PCDHGC5: variants seen among roughly 807,000 people sequenced by gnomAD.
The protein encoded by PCDHGC5 is protocadherin gamma-C5.
In PCDHGC5, 25 loss-of-function variants were observed where a neutral mutation model predicts 59.0. The observed-to-expected ratio is 0.42, with a 90% CI of 0.31 to 0.59. PCDHGC5 has a LOEUF of 0.59. Among genes scored for constraint, PCDHGC5 ranks in the 20% least tolerant of loss-of-function variants. PCDHGC5 has a pLI of 0.13. For synonymous variants in PCDHGC5, 434 were observed against 505.5 expected, an observed-to-expected ratio of 0.86 and a Z score of 1.90; for missense variants, 1,067 against 1,206.4, an observed-to-expected ratio of 0.88 and a Z score of 1.71.
chr5:141,489,597 A>T lies in PCDHGC5; in HGVS notation c.357A>T (p.Val119=). The T allele has an allele frequency of 6.2e-7, 1 of 1,614,100 alleles. No individual in the cohort carries two copies. Among genetic ancestry groups the T allele is most frequent in the African/African-American group, 1.3e-5 (1 of 75,040 alleles). ...VTEHPLELIR[V]EVEILDLNDN... ...AACACCCCCTGGAGCTAATCCGTGT[A>T]GAGGTAGAGATCCTGGATCTCAATG... Residue 119 remains valine (V), a synonymous_variant, in exon 1 of 4, where the codon GTA becomes GTT. Transcript: ENST00000252087. The surrounding 1 kb of genome is among the most constrained non-coding windows in gnomAD (Gnocchi z 4.5).
chr5:141,503,077 TCTC>T (rs1212079220), intron 2 of PCDHGC5, among the ~76,000 whole-genome samples: 1 of 151,810 alleles, frequency 6.6e-6, no homozygotes, highest in African/African-American at 2.4e-5. Flanking sequence ...ATGGTCTCGA[TCTC>T]CTGACCTCGT....
At position 141,489,728 on chromosome 5, in the gene PCDHGC5, G is replaced by T; in HGVS notation, c.488G>T (p.Gly163Val). ...PLDSAQDPDV[G>V]TNTVSFYTLS... is the part of the protein sequence containing the mutation. ...GACAGTGCCCAGGATCCGGATGTGGGCACCAATACTGTGAGCTTTTACACT... is the reference window on the plus strand; with the variant it reads ...GACAGTGCCCAGGATCCGGATGTGGTCACCAATACTGTGAGCTTTTACACT... The change falls in exon 1 of 4, where the codon GGC becomes GTC. Residue 163 changes from glycine (G) to valine (V), a missense_variant. Transcript: ENST00000252087. The surrounding 1 kb of genome is among the most constrained non-coding windows in gnomAD (Gnocchi z 4.5). The T allele has an allele frequency of 3.1e-6, 5 of 1,614,138 alleles. No homozygotes were observed. The South Asian group carries it at 5.5e-5, about 18-fold the overall frequency.
rs1391017504 is a variant in PCDHGC5 at position 141,490,732 on chromosome 5, G to GTTCAGGGAGCCCCAGCCTCCTCCT, written c.1495_1518dup (p.Gln499_Phe506dup). 6.2e-7 allele frequency: 1 copy of GTTCAGGGAGCCCCAGCCTCCTCCT among 1,614,070 alleles called. No individual in the cohort carries two copies. Among genetic ancestry groups the GTTCAGGGAGCCCCAGCCTCCTCCT allele is most frequent in the Non-Finnish European group, 8.5e-7 (1 of 1,180,050 alleles). On this transcript the variant is annotated inframe_insertion, in exon 1 of 4. Coordinates refer to ENST00000252087, the MANE Select transcript of PCDHGC5 (RefSeq NM_018929.3). This position sits in a 1 kb window ranked among gnomAD's most constrained non-coding sequence, Gnocchi z 5.4. ...CACCTACTCCATTGTAGGAAATCAG[G>GTTCAGGGAGCCCCAGCCTCCTCCT]TTCAGGGAGCCCCAGCCTCCTCCTT...
chr5:141,504,550 G>A (rs944574179), intron 2 of PCDHGC5, among the ~76,000 whole-genome samples: 2 of 151,586 alleles, frequency 1.3e-5, no homozygotes, highest in Non-Finnish European at 2.9e-5. Context: ...GCAAATGTTG[G>A]GGGACTGGCA....
chr5:141,504,224 C>T (rs2099836716), intron 2 of PCDHGC5, among the ~76,000 whole-genome samples: 2 of 152,160 alleles, frequency 1.3e-5, no homozygotes, highest in African/African-American at 4.8e-5. Flanking sequence ...TAGAGCTGAA[C>T]CTTCTAAGAA....
In PCDHGC5 at chr5:141,494,748, C is replaced by T. The variant is rs566281527; in HGVS notation, c.2461-59C>T. On this transcript the variant is annotated intron_variant, in intron 1 of 3. Coordinates refer to ENST00000252087, the MANE Select transcript of PCDHGC5 (RefSeq NM_018929.3). ...CTCTCCCGGCCCATCCCTAGGGGCTCGGGTGACATTCTAACTTCTCACGGG... is the reference window on the plus strand; with the variant it reads ...CTCTCCCGGCCCATCCCTAGGGGCTTGGGTGACATTCTAACTTCTCACGGG... 1.4e-5 allele frequency: 22 copies of T among 1,613,104 alleles called. No individual in the cohort carries two copies. The East Asian group carries it at 4.2e-4, about 31-fold the overall frequency.
At chr5:141,509,953 G>A (rs987910496) in intron 3 of PCDHGC5, among the ~76,000 whole-genome samples, 4 of 152,282 alleles carry the variant, frequency 2.6e-5, no homozygotes, top group Non-Finnish European at 4.4e-5. Context: ...AAATGCTACC[G>A]GGTATGGCCT....
rs372245447 is a variant in PCDHGC5, at chr5:141,489,609, C to T, written c.369C>T (p.Ile123=). ...AGCTAATCCGTGTAGAGGTAGAGAT[C>T]CTGGATCTCAATGACAACTCTCCTA... ...PLELIRVEVE[I]LDLNDNSPSF... is the part of the protein sequence containing the mutation. The change falls in exon 1 of 4, where the codon ATC becomes ATT. Residue 123 remains isoleucine, a synonymous_variant. Coordinates refer to ENST00000252087, the MANE Select transcript of PCDHGC5 (RefSeq NM_018929.3). This position sits in a 1 kb window ranked among gnomAD's most constrained non-coding sequence, Gnocchi z 4.5. The T allele has an allele frequency of 1.9e-6, 3 of 1,613,934 alleles. No homozygotes were observed. The African/African-American group carries it at 4.0e-5, about 22-fold the overall frequency.
At position 141,490,381 on chromosome 5, in the gene PCDHGC5, A is replaced by T. The variant is rs770046796; in HGVS notation, c.1141A>T (p.Arg381Ter). 1 of 1,614,240 alleles carries T rather than the reference A, an allele frequency of 6.2e-7. No homozygotes were observed. The highest frequency in any genetic ancestry group is 1.1e-5 in the South Asian group (1 of 91,090). The change falls in exon 1 of 4, where the codon AGA (arginine) becomes TGA (stop). Residue 381 changes from arginine (R) to a stop codon, truncating the protein, a stop_gained. Coordinates refer to ENST00000252087, the MANE Select transcript of PCDHGC5 (RefSeq NM_018929.3). LOFTEE classifies it high-confidence loss of function. This position sits in a 1 kb window ranked among gnomAD's most constrained non-coding sequence, Gnocchi z 5.4. The part of the protein sequence containing the change: ...LFNVRDRDSG[R>*]NGEVSLDISP... ...TAATGTGCGAGACCGGGACTCAGGT[A>T]GAAATGGTGAAGTGAGCCTTGATAT...
At chr5:141,503,502 G>A (rs750139098) in intron 2 of PCDHGC5, among the ~76,000 whole-genome samples, 5 of 151,828 alleles carry the variant, frequency 3.3e-5, no homozygotes, top group Admixed American at 2.0e-4. Context: ...AAGAGGCTGA[G>A]GCAGGAGAAT....
At position 141,491,823 on chromosome 5, in the gene PCDHGC5, C is replaced by G; in HGVS notation, c.2460+123C>G. Reference sequence around the variant, plus strand: ...GCCGGCTTGGTCGCTGGCTGCGCTCCACCCGATTCTCGGGATCATTGGACC... The same window carrying G: ...GCCGGCTTGGTCGCTGGCTGCGCTCGACCCGATTCTCGGGATCATTGGACC... On this transcript the variant is annotated intron_variant, in intron 1 of 3. Transcript: ENST00000252087. The surrounding 1 kb of genome is among the most constrained non-coding windows in gnomAD (Gnocchi z 6.9). The G allele has an allele frequency of 6.8e-7, 1 of 1,479,156 alleles. No individual in the cohort carries two copies. Among genetic ancestry groups the G allele is most frequent in the Non-Finnish European group, 9.0e-7 (1 of 1,115,292 alleles). 91.6% of individuals were successfully genotyped at this position (1,479,156 alleles called of 1,614,324 possible). A position where few individuals can be genotyped will look rare whatever the true frequency, so the allele number is the denominator to read the frequency against.
chr5:141,508,867 G>A (rs2099872497), intron 3 of PCDHGC5, among the ~76,000 whole-genome samples: 1 of 152,108 alleles, frequency 6.6e-6, no homozygotes. Flanking sequence ...GGGAAAGGCT[G>A]AAGAGGCTGA....
At chr5:141,505,935 C>T (rs2099849264) in intron 3 of PCDHGC5, among the ~76,000 whole-genome samples, 1 of 152,146 alleles carries the variant, frequency 6.6e-6, no homozygotes, top group African/African-American at 2.4e-5. Flanking sequence ...CGCTTGGAAG[C>T]CCTCAAGCAA....
At position 141,490,293 on chromosome 5, in the gene PCDHGC5, ATTG is replaced by A; in HGVS notation, c.1054_1056del (p.Leu352del). The A allele has an allele frequency of 1.9e-6, 3 of 1,614,190 alleles. No individual in the cohort carries two copies. Among genetic ancestry groups the A allele is most frequent in the Non-Finnish European group, 2.5e-6 (3 of 1,180,028 alleles). On this transcript the variant is annotated inframe_deletion, in exon 1 of 4. Coordinates refer to ENST00000252087, the MANE Select transcript of PCDHGC5 (RefSeq NM_018929.3). The surrounding 1 kb of genome is among the most constrained non-coding windows in gnomAD (Gnocchi z 5.4). ...TCAATGACAATGCCCCAGAGGTGCTATTGGCCTCTTTGGCCAACCCTGTCCTAG... is the reference window on the plus strand; with the variant it reads ...TCAATGACAATGCCCCAGAGGTGCTAGCCTCTTTGGCCAACCCTGTCCTAG...
chr5:141,495,853 C>T (rs1254274145), intron 2 of PCDHGC5, among the ~76,000 whole-genome samples: 1 of 152,136 alleles, frequency 6.6e-6, no homozygotes, highest in African/African-American at 2.4e-5. Context: ...TTCTCTGTCT[C>T]TCACTATTTC....
intron 1 of PCDHGC5, among the ~76,000 whole-genome samples, chr5:141,494,469 C>T (rs2099754623): frequency 6.6e-6 from 1 of 152,114 alleles, no homozygotes; most frequent in Non-Finnish European, 1.5e-5. Flanking sequence ...GCACCTCTTC[C>T]CCCAGTTCCA....
Position 141,490,931 on chromosome 5 carries a change from T to C in PCDHGC5, c.1691T>C (p.Val564Ala). 1 of 1,613,780 alleles carries C rather than the reference T, an allele frequency of 6.2e-7. No individual in the cohort carries two copies. Among genetic ancestry groups the C allele is most frequent in the East Asian group, 2.2e-5 (1 of 44,872 alleles). ...GACGAGAATGATAATGCCCCAGCTG[T>C]GCTGCACCCACGGCCAGACTGGGAA... Reference protein sequence around the residue: ...VLDENDNAPAVLHPRPDWEHS... With the variant: ...VLDENDNAPAALHPRPDWEHS... Residue 564 changes from valine (V) to alanine (A), a missense_variant, in exon 1 of 4, where the codon GTG (valine) becomes GCG (alanine). Val to Ala is a moderately conservative substitution (Grantham distance 64, BLOSUM62 0). Transcript: ENST00000252087. This position sits in a 1 kb window ranked among gnomAD's most constrained non-coding sequence, Gnocchi z 5.4.
intron 2 of PCDHGC5, among the ~76,000 whole-genome samples, chr5:141,497,880 T>C (rs2099780200): frequency 6.6e-6 from 1 of 152,170 alleles, no homozygotes; most frequent in Non-Finnish European, 1.5e-5. Context: ...GAAATAAGCG[T>C]TAGGATCTAG....
chr5:141,495,644 A>C (rs767670166), intron 2 of PCDHGC5, among the ~76,000 whole-genome samples: 1 of 151,770 alleles, frequency 6.6e-6, no homozygotes, highest in African/African-American at 2.4e-5. Flanking sequence ...TCATTTGTCT[A>C]CTTGCATTGA....
Sources: allele counts gnomAD v4.1 joint callset (sites outside exome capture counted in the v4.1 genomes callset), GRCh38; gene constraint gnomAD v4.1.1; non-coding constraint Gnocchi (gnomAD v3.1); transcripts MANE v1.5; gene names NCBI Gene and HGNC (gene_info 2026-07-23, HGNC 2026-07-21).